The following ZHX2 variants were observed in gnomAD, a reference collection of about 807,000 sequenced individuals.
ZHX2 encodes zinc fingers and homeoboxes 2.
In ZHX2, 6 loss-of-function variants were observed where a neutral mutation model predicts 21.9. That is an observed-to-expected ratio of 0.27 (90% CI 0.15 to 0.54). The LOEUF (loss-of-function observed/expected upper bound fraction) is 0.54. Ranked by LOEUF, ZHX2 falls within the 20% of genes least tolerant of loss-of-function variation. The pLI is 0.95. For synonymous variants in ZHX2, 434 were observed against 437.1 expected (o/e 0.99, Z 0.09); for missense variants, 908 against 1,090.7 (o/e 0.83, Z 2.36).
At chr8:122,810,277 G>A (rs1212363146) in intron 1 of ZHX2, among the ~76,000 whole-genome samples, 1 of 152,162 alleles carries the variant, frequency 6.6e-6, no homozygotes, top group Non-Finnish European at 1.5e-5. Flanking sequence ...CTGTAAAATG[G>A]GGGGTAGTAA....
At chr8:122,832,969 A>G (rs1161842669) in intron 1 of ZHX2, among the ~76,000 whole-genome samples, 1 of 152,120 alleles carries the variant, frequency 6.6e-6, no homozygotes, top group Non-Finnish European at 1.5e-5. Context: ...TTTAGGGATA[A>G]GGTAAAAAGG....
At chr8:122,914,431 C>T (rs1025994184) in intron 2 of ZHX2, among the ~76,000 whole-genome samples, 4 of 152,234 alleles carry the variant, frequency 2.6e-5, no homozygotes, top group Non-Finnish European at 4.4e-5. Flanking sequence ...ACTGACAAAG[C>T]ACAAGGGCCC....
intron 3 of ZHX2, among the ~76,000 whole-genome samples, chr8:122,956,411 G>A (rs1467315188): frequency 2.6e-5 from 4 of 152,160 alleles, no homozygotes; most frequent in Admixed American, 2.0e-4. Flanking sequence ...TATGTGTTAC[G>A]ATGGGGAAGG....
At chr8:122,873,561 C>T (rs945189980) in intron 2 of ZHX2, among the ~76,000 whole-genome samples, 1 of 152,144 alleles carries the variant, frequency 6.6e-6, no homozygotes, top group East Asian at 1.9e-4. Flanking sequence ...CGGTGCAGGA[C>T]GCCATCTTTG....
chr8:122,929,660 A>G (rs1205567038), intron 2 of ZHX2, among the ~76,000 whole-genome samples: 1 of 150,654 alleles, frequency 6.6e-6, no homozygotes, highest in Non-Finnish European at 1.5e-5. Flanking sequence ...AAAAAAAGAC[A>G]GTTGTTGGGA....
chr8:122,947,828 C>T (rs553496129), intron 2 of ZHX2, among the ~76,000 whole-genome samples: 4 of 146,948 alleles, frequency 2.7e-5, no homozygotes, highest in South Asian at 2.2e-4. Flanking sequence ...AGAGGGGAGC[C>T]GGGGCCGGAG....
chr8:122,846,406 C>T (rs1377016096), intron 1 of ZHX2, among the ~76,000 whole-genome samples: 4 of 152,118 alleles, frequency 2.6e-5, no homozygotes, highest in Non-Finnish European at 4.4e-5. Flanking sequence ...AGAATGCTGC[C>T]GCTGGCTCTG....
intron 2 of ZHX2, among the ~76,000 whole-genome samples, chr8:122,868,280 T>G (rs576634983): frequency 6.6e-6 from 1 of 152,110 alleles, no homozygotes; most frequent in South Asian, 2.1e-4. Context: ...GGGTAAGAAG[T>G]TTGCAATGAA....
intron 2 of ZHX2, among the ~76,000 whole-genome samples, chr8:122,868,987 G>T (rs1819367431): frequency 6.6e-6 from 1 of 152,236 alleles, no homozygotes; most frequent in Non-Finnish European, 1.5e-5. Flanking sequence ...TTGAGTGAGA[G>T]CTGGGGCTCT....
intron 2 of ZHX2, among the ~76,000 whole-genome samples, chr8:122,950,246 A>G (rs1813076595): frequency 6.6e-6 from 1 of 152,226 alleles, no homozygotes; most frequent in Non-Finnish European, 1.5e-5. Context: ...TTGCTGTAAA[A>G]AAAAGAATGA....
chr8:122,801,870 G>A (rs182619827), intron 1 of ZHX2, among the ~76,000 whole-genome samples: 4 of 152,260 alleles, frequency 2.6e-5, no homozygotes, highest in Admixed American at 6.5e-5. Context: ...GTTTGGATGC[G>A]TTGACTTGGA....
intron 2 of ZHX2, among the ~76,000 whole-genome samples, chr8:122,898,301 C>G (rs1240002840): frequency 2.6e-5 from 4 of 152,092 alleles, no homozygotes; most frequent in African/African-American, 9.7e-5. Context: ...GTAGAAAAGC[C>G]TCAGGGAAAG....
At chr8:122,872,846 C>T (rs1247562647) in intron 2 of ZHX2, among the ~76,000 whole-genome samples, 3 of 152,106 alleles carry the variant, frequency 2.0e-5, no homozygotes, top group African/African-American at 2.4e-5. Context: ...CTCCATCTCT[C>T]GGCTCAGCTT....
intron 2 of ZHX2, among the ~76,000 whole-genome samples, chr8:122,946,052 G>A (rs1435187871): frequency 6.6e-6 from 1 of 152,222 alleles, no homozygotes; most frequent in African/African-American, 2.4e-5. Flanking sequence ...CTTGCAACAG[G>A]TCTGCTGGGA....
At chr8:122,930,599 A>G in intron 2 of ZHX2, among the ~76,000 whole-genome samples, 1 of 150,838 alleles carries the variant, frequency 6.6e-6, no homozygotes, top group East Asian at 1.9e-4. Context: ...TGTCACCCAA[A>G]TAGATGGGGT....
chr8:122,868,275 A>G (rs1176930621), intron 2 of ZHX2, among the ~76,000 whole-genome samples: 1 of 152,202 alleles, frequency 6.6e-6, no homozygotes, highest in Admixed American at 6.5e-5. Context: ...ATAACGGGTA[A>G]GAAGTTTGCA....
chr8:122,971,075 C>T (rs1052450338), intron 3 of ZHX2, among the ~76,000 whole-genome samples: 5 of 152,194 alleles, frequency 3.3e-5, no homozygotes, highest in Admixed American at 2.6e-4. Flanking sequence ...TCTCTCTAAG[C>T]CTCCATTTCT....
At chr8:122,905,541 A>G (rs1820326768) in intron 2 of ZHX2, among the ~76,000 whole-genome samples, 2 of 152,240 alleles carry the variant, frequency 1.3e-5, no homozygotes, top group East Asian at 1.9e-4. Context: ...CTAAACAGAA[A>G]GGAAATGATA....
chr8:122,804,677 A>T (rs1213666461), intron 1 of ZHX2, among the ~76,000 whole-genome samples: 1 of 152,148 alleles, frequency 6.6e-6, no homozygotes, highest in Non-Finnish European at 1.5e-5. Flanking sequence ...TCTCCCAGTG[A>T]GGTGTTTTAC....
Sources: gnomAD v4.1 joint callset for allele counts (sites outside exome capture counted in the v4.1 genomes callset) on GRCh38, gnomAD v4.1.1 for gene constraint, MANE v1.5 for transcripts, NCBI Gene and HGNC (gene_info 2026-07-23, HGNC 2026-07-21) for gene names.